SHROOM3: variants seen among roughly 807,000 people sequenced by gnomAD.
SHROOM3 encodes the protein shroom family member 3, also known as protein Shroom3.
Under a neutral mutation model 138.6 loss-of-function variants are expected in SHROOM3, and 47 were observed. That is an observed-to-expected ratio of 0.34 (90% CI 0.27 to 0.43). The LOEUF is 0.43. Among genes scored for constraint, SHROOM3 ranks in the 20% least tolerant of loss-of-function variants. The pLI is 1.00. For missense variants in SHROOM3, 2,491 were observed against 2,596.5 expected (o/e 0.96, Z 0.88); for synonymous variants, 1,062 against 1,063.3 (o/e 1.00, Z 0.02).
Position 76,710,222 on chromosome 4 carries a change from C to T in SHROOM3, c.390C>T (p.Leu130=), listed in dbSNP as rs1720190932. 1 of 1,614,046 alleles carries T rather than the reference C, an allele frequency of 6.2e-7. No homozygotes were observed. The part of the protein sequence containing the change: ...GASNFVSPEH[L]TSGPQHRKAA... ...CTAACTTCGTCAGCCCAGAACACCT[C>T]ACCTCTGGCCCCCAGCACAGGAAAG... Residue 130 remains leucine (L), a synonymous_variant, in exon 3 of 11, where the codon CTC becomes CTT. Coordinates refer to ENST00000296043, the MANE Select transcript of SHROOM3 (RefSeq NM_020859.4).
At chr4:76,638,549 T>C (rs1323810418) in intron 2 of SHROOM3, among the ~76,000 whole-genome samples, 1 of 152,110 alleles carries the variant, frequency 6.6e-6, no homozygotes, top group Admixed American at 6.5e-5. Context: ...CCTCATGTCT[T>C]TACAAAAAGT....
At chr4:76,716,811 G>C (rs1315899750) in intron 3 of SHROOM3, among the ~76,000 whole-genome samples, 3 of 152,112 alleles carry the variant, frequency 2.0e-5, no homozygotes, top group Non-Finnish European at 4.4e-5. Flanking sequence ...TTATGGGAAT[G>C]GTTATATACC....
chr4:76,566,393 C>T (rs1577889603), intron 2 of SHROOM3, among the ~76,000 whole-genome samples: 1 of 152,120 alleles, frequency 6.6e-6, no homozygotes, highest in East Asian at 1.9e-4. Context: ...CCCATGAATG[C>T]AGAGCTACAA....
At chr4:76,453,197 C>T (rs959574127) in intron 1 of SHROOM3, among the ~76,000 whole-genome samples, 2 of 152,164 alleles carry the variant, frequency 1.3e-5, no homozygotes, top group Non-Finnish European at 2.9e-5. Flanking sequence ...TACTTTCCCA[C>T]CAGCAATGTG....
chr4:76,532,748 AT>A (rs781058773), intron 1 of SHROOM3, among the ~76,000 whole-genome samples: 1 of 151,452 alleles, frequency 6.6e-6, no homozygotes, highest in African/African-American at 2.4e-5. Context: ...CTCAGCGTAC[AT>A]TTTTTTTTCT....
chr4:76,558,506 G>GC (rs1483759276), intron 2 of SHROOM3, among the ~76,000 whole-genome samples: 5 of 152,012 alleles, frequency 3.3e-5, no homozygotes, highest in East Asian at 3.8e-4. Context: ...TTATCTGGAG[G>GC]CCCCCCCTTT....
intron 1 of SHROOM3, among the ~76,000 whole-genome samples, chr4:76,461,271 G>A (rs1037442482): frequency 2.0e-5 from 3 of 152,146 alleles, no homozygotes; most frequent in Admixed American, 2.0e-4. Context: ...AAGAGTCAAA[G>A]GCAATTGTGA....
At chr4:76,495,974 C>G (rs893648962) in intron 1 of SHROOM3, among the ~76,000 whole-genome samples, 2 of 152,146 alleles carry the variant, frequency 1.3e-5, no homozygotes, top group Non-Finnish European at 2.9e-5. Flanking sequence ...GAAGGAATGA[C>G]TAGTTTGAGA....
At chr4:76,674,128 C>A (rs934532460) in intron 2 of SHROOM3, among the ~76,000 whole-genome samples, 5 of 152,160 alleles carry the variant, frequency 3.3e-5, no homozygotes, top group African/African-American at 1.2e-4. Context: ...CCCACCTCTA[C>A]TTCCCAAAGT....
intron 1 of SHROOM3, among the ~76,000 whole-genome samples, chr4:76,530,998 C>T (rs6810716): frequency 0.53 from 81,280 of 151,982 alleles, 23,149 homozygotes; most frequent in African/African-American, 0.74. Flanking sequence ...AAATGGCAAC[C>T]CTCTATCTTC....
At chr4:76,683,646 T>C (rs1447303534) in intron 2 of SHROOM3, among the ~76,000 whole-genome samples, 3 of 152,188 alleles carry the variant, frequency 2.0e-5, no homozygotes, top group African/African-American at 4.8e-5. Context: ...CAGTTGAGTT[T>C]TGACTCTGAA....
intron 2 of SHROOM3, among the ~76,000 whole-genome samples, chr4:76,666,549 T>C (rs1258517777): frequency 1.3e-5 from 2 of 152,154 alleles, no homozygotes; most frequent in Non-Finnish European, 2.9e-5. Flanking sequence ...AGTGCTGGGA[T>C]TACAGGCATA....
intron 1 of SHROOM3, among the ~76,000 whole-genome samples, chr4:76,533,807 G>A (rs1156493145): frequency 6.6e-6 from 1 of 152,142 alleles, no homozygotes; most frequent in Non-Finnish European, 1.5e-5. Flanking sequence ...AGCTATTAAT[G>A]AAATAGAAAT....
chr4:76,771,308 G>A (rs1409572771), intron 10 of SHROOM3, among the ~76,000 whole-genome samples: 2 of 151,712 alleles, frequency 1.3e-5, no homozygotes, highest in Admixed American at 1.3e-4. Flanking sequence ...AACCCGGGAG[G>A]CAGAGGTTGC....
Position 76,740,122 on chromosome 4 carries a change from G to C in SHROOM3, c.1949G>C (p.Ser650Thr). 1 of 1,613,824 alleles carries C rather than the reference G, an allele frequency of 6.2e-7. No individual in the cohort carries two copies. Among genetic ancestry groups the C allele is most frequent in the Non-Finnish European group, 8.5e-7 (1 of 1,180,046 alleles). ...RRLEREGLGQ[S>T]LSGNFGKTKS... ...CTGGAGAGAGAAGGCCTAGGCCAGA[G>C]CCTGTCAGGCAACTTTGGCAAGACC... The change falls in exon 5 of 11, where the codon AGC becomes ACC. Residue 650 changes from serine to threonine, a missense_variant. Ser to Thr is a moderately conservative substitution (Grantham distance 58, BLOSUM62 1). This residue lies in a region of SHROOM3 where 1,733 missense variants were observed against 1,661.6 expected (regional missense o/e 1.04). Coordinates refer to ENST00000296043, the MANE Select transcript of SHROOM3 (RefSeq NM_020859.4). This position sits in a 1 kb window ranked among gnomAD's most constrained non-coding sequence, Gnocchi z 4.0.
chr4:76,669,517 G>A (rs1001426245), intron 2 of SHROOM3, among the ~76,000 whole-genome samples: 2 of 152,002 alleles, frequency 1.3e-5, no homozygotes, highest in Non-Finnish European at 2.9e-5. Context: ...GGGAGGCTGA[G>A]GTGGGAGAAT....
chr4:76,485,095 A>G (rs1443377745), intron 1 of SHROOM3, among the ~76,000 whole-genome samples: 1 of 152,176 alleles, frequency 6.6e-6, no homozygotes, highest in Non-Finnish European at 1.5e-5. Context: ...ATCCTGTTTC[A>G]ACAATTCAGA....
intron 1 of SHROOM3, among the ~76,000 whole-genome samples, chr4:76,521,211 G>A (rs892694169): frequency 6.6e-6 from 1 of 152,158 alleles, no homozygotes; most frequent in Non-Finnish European, 1.5e-5. Flanking sequence ...ATGGTGGACA[G>A]AAATCTATTT....
chr4:76,572,669 G>A (rs1733855943), intron 2 of SHROOM3, among the ~76,000 whole-genome samples: 2 of 152,186 alleles, frequency 1.3e-5, no homozygotes, highest in Non-Finnish European at 2.9e-5. Flanking sequence ...AAAAGTGATT[G>A]GCATGTTTTA....
Sources: gnomAD v4.1 joint callset for allele counts (sites outside exome capture counted in the v4.1 genomes callset) on GRCh38, gnomAD v4.1.1 for gene constraint, gnomAD v4.1.1 regional missense constraint, Gnocchi (gnomAD v3.1) non-coding constraint, MANE v1.5 for transcripts, NCBI Gene and HGNC (gene_info 2026-07-23, HGNC 2026-07-21) for gene names.